AHNAK2: variants seen among roughly 807,000 people sequenced by gnomAD.
AHNAK2 encodes protein AHNAK2.
In AHNAK2, 18 loss-of-function variants were observed where a neutral mutation model predicts 30.7. The observed-to-expected ratio is 0.59, with a 90% CI of 0.41 to 0.87. The LOEUF is 0.87. Ranked by LOEUF, AHNAK2 falls within the 40% of genes least tolerant of loss-of-function variation. AHNAK2 has a pLI of 0.00. For synonymous variants in AHNAK2, 3,590 were observed against 3,073.8 expected, an observed-to-expected ratio of 1.17 and a Z score of -5.56; for missense variants, 8,604 against 7,373.0, an observed-to-expected ratio of 1.17 and a Z score of -6.11.
chr14:104,944,250 A>C lies in AHNAK2; in HGVS notation c.11201T>G (p.Val3734Gly), dbSNP rs755975104. Residue 3734 changes from valine to glycine, a missense_variant, in exon 7 of 7, where the codon GTG (valine) becomes GGG (glycine). Transcript: ENST00000333244. ...GTCCACCTGGGGGCCCTTGAGGTCC[A>C]CTTTGGGCATCTTCAAACTGGGCAT... ...VEMPSLKMPKVDLKGPQVDIK... is the reference protein window; with the variant it reads ...VEMPSLKMPKGDLKGPQVDIK... 87 of 1,612,362 alleles carry C rather than the reference A, an allele frequency of 5.4e-5. No homozygotes were observed. The highest frequency in any genetic ancestry group is 1.2e-4 in the Admixed American group (7 of 59,840).
chr14:104,949,469 C>A lies in AHNAK2; in HGVS notation c.5982G>T (p.Lys1994Asn). ...KDSKFKMPKF[K>N]MPSFGVSAPG... is the part of the protein sequence containing the mutation. The stretch of plus-strand genomic sequence containing the variant: ...GGGCCGATACCCCGAACGACGGCAT[C>A]TTGAATTTGGGCATTTTGAACTTGC... The change falls in exon 7 of 7, where the codon AAG becomes AAT. Residue 1994 changes from lysine (K) to asparagine (N), a missense_variant. Physicochemically the swap from Lys to Asn is moderately conservative, Grantham distance 94 (BLOSUM62 0). Transcript: ENST00000333244. 6.3e-7 allele frequency: 1 copy of A among 1,588,626 alleles called. No homozygotes were observed. The highest frequency in any genetic ancestry group is 1.7e-4 in the Middle Eastern group (1 of 6,032).
intron 1 of AHNAK2, chr14:104,970,449 C>T: frequency 1.0e-6 from 1 of 985,532 alleles, no homozygotes; most frequent in Non-Finnish European, 1.2e-6. Context: ...ACACAGGAGC[C>T]ACTTACCAAG....
At chr14:104,969,364 C>T (rs1899406807) in intron 1 of AHNAK2, among the ~76,000 whole-genome samples, 1 of 152,246 alleles carries the variant, frequency 6.6e-6, no homozygotes, top group Non-Finnish European at 1.5e-5. Context: ...CTAGCCCTAG[C>T]CGACATCCCC....
chr14:104,974,731 C>T (rs947034270), intron 1 of AHNAK2, among the ~76,000 whole-genome samples: 3 of 152,238 alleles, frequency 2.0e-5, no homozygotes, highest in African/African-American at 7.2e-5. Flanking sequence ...GGCCGCCAGA[C>T]AGACGGGGAA....
chr14:104,965,229 C>T (rs989377781), intron 1 of AHNAK2, among the ~76,000 whole-genome samples: 3 of 151,722 alleles, frequency 2.0e-5, no homozygotes. Context: ...GGTGAAACCC[C>T]ATCTCTACTA....
At chr14:104,963,028 ACACTGG>A (rs1478496376) in intron 1 of AHNAK2, among the ~76,000 whole-genome samples, 1 of 152,234 alleles carries the variant, frequency 6.6e-6, no homozygotes, top group Non-Finnish European at 1.5e-5. Context: ...ATAATTTAAA[ACACTGG>A]CCTTAAGAGC....
chr14:104,970,951 C>T (rs1419204327), intron 1 of AHNAK2, among the ~76,000 whole-genome samples: 1 of 152,084 alleles, frequency 6.6e-6, no homozygotes, highest in Non-Finnish European at 1.5e-5. Flanking sequence ...AAGGGCCTGC[C>T]CCCATGGTCA....
chr14:104,969,692 C>A (rs1899418408), intron 1 of AHNAK2, among the ~76,000 whole-genome samples: 1 of 152,198 alleles, frequency 6.6e-6, no homozygotes. Flanking sequence ...AGCAGGTGGG[C>A]CCAGTTCATC....
rs200286499 is a variant in AHNAK2, at chr14:104,955,140, C to T, written c.468G>A (p.Gly156=). The T allele has an allele frequency of 1.9e-6, 3 of 1,602,772 alleles. No homozygotes were observed. Among genetic ancestry groups the T allele is most frequent in the East Asian group, 2.2e-5 (1 of 44,738 alleles). The change falls in exon 6 of 7, where the codon GGG becomes GGA. Residue 156 remains glycine (G), a splice_region_variant and synonymous_variant. Coordinates refer to ENST00000333244, the MANE Select transcript of AHNAK2 (RefSeq NM_138420.4). ...SAAKLFNLRE[G]DQLLSTTVFF... ...ACACGGTTGTACTGAGCAGCTGATC[C>T]CCTAGACCAAGAAAGAGCAGCCCCA...
chr14:104,948,019 T>G lies in AHNAK2; in HGVS notation c.7432A>C (p.Thr2478Pro). ...GGAATTTTGAACCTGCTGTCTTTGG[T>G]AGTCACATCCTTGTCCGCCACAGAC... ...DLSVADKDVT[T>P]KDSRFKIPKF... The change falls in exon 7 of 7, where the codon ACC (threonine) becomes CCC (proline). Residue 2478 changes from threonine to proline, a missense_variant. Thr to Pro is a conservative substitution (Grantham distance 38). Coordinates refer to ENST00000333244, the MANE Select transcript of AHNAK2 (RefSeq NM_138420.4). 1 of 1,607,472 alleles carries G rather than the reference T, an allele frequency of 6.2e-7. No individual in the cohort carries two copies. The highest frequency in any genetic ancestry group is 8.5e-7 in the Non-Finnish European group (1 of 1,177,536).
At chr14:104,962,645 A>G (rs113477669) in intron 1 of AHNAK2, among the ~76,000 whole-genome samples, 1 of 151,532 alleles carries the variant, frequency 6.6e-6, no homozygotes, top group African/African-American at 2.4e-5. Flanking sequence ...CATGTTGCCC[A>G]GGCTGGTCTT....
chr14:104,962,155 C>T (rs536553204), intron 1 of AHNAK2, among the ~76,000 whole-genome samples: 1 of 152,306 alleles, frequency 6.6e-6, no homozygotes, highest in South Asian at 2.1e-4. Context: ...AAGTACCCAT[C>T]AACCAACGAG....
chr14:104,937,960 G>A lies in AHNAK2; in HGVS notation c.*103C>T. ...TCTGTTCTCCGTTCTGTGAAGTGAG[G>A]TGGATGTAATGTGCTGTGGGATGGG... On this transcript the variant is annotated 3_prime_UTR_variant, in exon 7 of 7. Transcript: ENST00000333244. 8.2e-7 allele frequency: 1 copy of A among 1,224,430 alleles called. No homozygotes were observed. The allele number at this position is 1,224,430 out of a possible 1,614,324, so 75.8% of individuals were successfully genotyped here. A position where few individuals can be genotyped will look rare whatever the true frequency, so the allele number is the denominator to read the frequency against.
intron 1 of AHNAK2, among the ~76,000 whole-genome samples, chr14:104,962,863 T>C (rs59564848): frequency 0.012 from 1,853 of 152,282 alleles, 37 homozygotes; most frequent in African/African-American, 0.043. Flanking sequence ...AAAATGAATT[T>C]GAAATGAATC....
In AHNAK2 at chr14:104,946,922, C is replaced by A. The variant is rs779001302; in HGVS notation, c.8529G>T (p.Val2843=). ...EASVDVSELK[V]EADGSFPSMQ... ...TGGAGGGGAAGCTCCCGTCAGCTTC[C>A]ACCTTCAGCTCAGACACATCCACCG... The change falls in exon 7 of 7, where the codon GTG becomes GTT. Residue 2843 remains valine (V), a synonymous_variant. Coordinates refer to ENST00000333244, the MANE Select transcript of AHNAK2 (RefSeq NM_138420.4). 6.2e-7 allele frequency: 1 copy of A among 1,612,632 alleles called. No homozygotes were observed. Among genetic ancestry groups the A allele is most frequent in the African/African-American group, 1.3e-5 (1 of 74,322 alleles).
Position 104,952,281 on chromosome 14 carries a change from A to G in AHNAK2, c.3170T>C (p.Val1057Ala). Reference sequence around the variant, plus strand: ...CTTCACATCCACCTGGTCAGCCTGGACCTTCAGGTCAGTAGAAGCAGGCTG... The same window carrying G: ...CTTCACATCCACCTGGTCAGCCTGGGCCTTCAGGTCAGTAGAAGCAGGCTG... ...SIQPASTDLK[V>A]QADQVDVKLP... The change falls in exon 7 of 7, where the codon GTC becomes GCC. Residue 1057 changes from valine (V) to alanine (A), a missense_variant. Physicochemically the swap from Val to Ala is moderately conservative, Grantham distance 64 (BLOSUM62 0). Transcript: ENST00000333244. The G allele has an allele frequency of 6.2e-7, 1 of 1,612,214 alleles. No homozygotes were observed. Among genetic ancestry groups the G allele is most frequent in the African/African-American group, 1.3e-5 (1 of 74,194 alleles).
chr14:104,952,597 C>G lies in AHNAK2; in HGVS notation c.2854G>C (p.Val952Leu). 2 of 1,613,002 alleles carry G rather than the reference C, an allele frequency of 1.2e-6. No individual in the cohort carries two copies. The highest frequency in any genetic ancestry group is 1.7e-6 in the Non-Finnish European group (2 of 1,179,710). ...GACACCTCGCCATCGGGGGCTGTCA[C>G]TTCCGCCTTGGGGCCTTTCAGGTCC... Reference protein sequence around the residue: ...KLDLKGPKAEVTAPDGEVSLP... With the variant: ...KLDLKGPKAELTAPDGEVSLP... Residue 952 changes from valine (V) to leucine (L), a missense_variant, in exon 7 of 7, where the codon GTG (valine) becomes CTG (leucine). Physicochemically the swap from Val to Leu is conservative, Grantham distance 32 (BLOSUM62 1). Transcript: ENST00000333244.
At position 104,946,381 on chromosome 14, in the gene AHNAK2, T is replaced by C. The variant is rs1167223637; in HGVS notation, c.9070A>G (p.Thr3024Ala). 1.2e-6 allele frequency: 2 copies of C among 1,612,022 alleles called. No homozygotes were observed. Among genetic ancestry groups the C allele is most frequent in the East Asian group, 2.2e-5 (1 of 44,674 alleles). The change falls in exon 7 of 7, where the codon ACT (threonine) becomes GCT (alanine). Residue 3024 changes from threonine (T) to alanine (A), a missense_variant. Coordinates refer to ENST00000333244, the MANE Select transcript of AHNAK2 (RefSeq NM_138420.4). ...GAGGGGGGCTCAATGCTGATGTCAG[T>C]GGTCTTCAGGTCCCCCTGCATGGAG... ...LPSMQGDLKTTDISIEPPSAQ... is the reference protein window; with the variant it reads ...LPSMQGDLKTADISIEPPSAQ...
Position 104,957,416 on chromosome 14 carries a change from TC to T in AHNAK2, c.206del (p.Gly69AspfsTer33). The T allele has an allele frequency of 4.4e-6, 7 of 1,584,070 alleles. No homozygotes were observed. Among genetic ancestry groups the T allele is most frequent in the Non-Finnish European group, 6.0e-6 (7 of 1,158,720 alleles). The part of the protein sequence containing the change: ...YEYTTEAADF[G>X]LQEDAPGRQG... ...CTCTGCCCAGCAGGCTCACCTGGAG[TC>T]CAAAGTCGGCAGCCTCAGTCGTGTA... On this transcript the variant is annotated frameshift_variant, in exon 3 of 7. Transcript: ENST00000333244. LOFTEE classifies it high-confidence loss of function.
Sources: gnomAD v4.1 joint callset for allele counts (sites outside exome capture counted in the v4.1 genomes callset) on GRCh38, gnomAD v4.1.1 for gene constraint, MANE v1.5 for transcripts, NCBI Gene and HGNC (gene_info 2026-07-23, HGNC 2026-07-21) for gene names.